CFAP54: variants seen among roughly 807,000 people sequenced by gnomAD.
CFAP54 encodes cilia and flagella associated protein 54.
CFAP54 carries 290 observed loss-of-function variants against 370.4 expected under a neutral mutation model. That is an observed-to-expected ratio of 0.78 (90% CI 0.71 to 0.86). The LOEUF (loss-of-function observed/expected upper bound fraction) is 0.86. CFAP54 is among the 40% of genes least tolerant of loss of function. CFAP54 has a pLI of 0.00. For synonymous variants in CFAP54, 1,206 were observed against 1,236.5 expected (o/e 0.98, Z 0.52); for missense variants, 3,399 against 3,528.7 (o/e 0.96, Z 0.93).
chr12:96,680,895 C>G (rs1398694260), intron 40 of CFAP54, among the ~76,000 whole-genome samples: 2 of 152,110 alleles, frequency 1.3e-5, no homozygotes, highest in Non-Finnish European at 2.9e-5. Flanking sequence ...ACCAGCCTGG[C>G]CAACATAGTG....
At chr12:96,567,918 A>G (rs1460282031) in intron 19 of CFAP54, among the ~76,000 whole-genome samples, 1 of 151,954 alleles carries the variant, frequency 6.6e-6, no homozygotes, top group Non-Finnish European at 1.5e-5. Context: ...TTAATGATCA[A>G]TCCCTAGGGT....
chr12:96,661,070 G>GT (rs61382325), intron 38 of CFAP54, among the ~76,000 whole-genome samples: 36 of 151,672 alleles, frequency 2.4e-4, no homozygotes, highest in African/African-American at 3.9e-4. Context: ...GTCCTTTGGG[G>GT]TTTTTTTGTT....
At chr12:96,528,379 C>T (rs1955405868) in intron 9 of CFAP54, among the ~76,000 whole-genome samples, 1 of 152,044 alleles carries the variant, frequency 6.6e-6, no homozygotes, top group Non-Finnish European at 1.5e-5. Context: ...ATTTCTGCTT[C>T]TCTGTTGAAG....
intron 58 of CFAP54, among the ~76,000 whole-genome samples, chr12:96,758,180 A>G (rs986834317): frequency 1.3e-5 from 2 of 152,184 alleles, no homozygotes; most frequent in Non-Finnish European, 2.9e-5. Context: ...CAGTAAAGGA[A>G]GGAGATCAGA....
At chr12:96,713,787 G>T (rs1470218050) in intron 48 of CFAP54, among the ~76,000 whole-genome samples, 1 of 152,028 alleles carries the variant, frequency 6.6e-6, no homozygotes, top group Non-Finnish European at 1.5e-5. Flanking sequence ...GGAATGAGAC[G>T]TGAGTTTCTG....
chr12:96,638,184 C>CATATATATAT lies in CFAP54; in HGVS notation c.4317-5985_4317-5976dup, dbSNP rs61605059. On this transcript the variant is annotated intron_variant, in intron 32 of 67. Coordinates refer to ENST00000524981, the MANE Select transcript of CFAP54 (RefSeq NM_001306084.2). ...TTTCTTCTAAATATTTTAGCTGCAT[C>CATATATATAT]ATATATATATATATATATGCATGTG... is the stretch of plus-strand genomic sequence containing the variant. Among the ~76,000 whole-genome samples, 310 of 137,628 alleles carry CATATATATAT rather than the reference C, an allele frequency of 2.3e-3. 7 individuals carry two copies. Among genetic ancestry groups the CATATATATAT allele is most frequent in the Middle Eastern group, 3.9e-3 (1 of 258 alleles). The allele number at this position is 137,628 out of a possible 152,430, so 90.3% of individuals were successfully genotyped here.
intron 15 of CFAP54, among the ~76,000 whole-genome samples, chr12:96,553,484 A>G (rs1370147528): frequency 3.3e-5 from 3 of 90,370 alleles, no homozygotes; most frequent in South Asian, 5.8e-4. Context: ...CTATATATAT[A>G]GTTATATATA....
intron 1 of CFAP54, among the ~76,000 whole-genome samples, chr12:96,493,658 C>T (rs1343481571): frequency 3.3e-5 from 5 of 152,006 alleles, no homozygotes; most frequent in East Asian, 1.9e-4. Flanking sequence ...ATTAGTCGGG[C>T]GTGGTGGTGG....
intron 50 of CFAP54, among the ~76,000 whole-genome samples, chr12:96,732,235 C>G (rs7973090): frequency 6.6e-6 from 1 of 151,802 alleles, no homozygotes; most frequent in South Asian, 2.1e-4. Context: ...AAATGATTCT[C>G]CTGTCTCAGC....
At chr12:96,533,637 TTTGCCC>T (rs1955467019) in intron 9 of CFAP54, among the ~76,000 whole-genome samples, 149 bp from the exon 10 acceptor site, 2 of 152,196 alleles carry the variant, frequency 1.3e-5, no homozygotes, top group Non-Finnish European at 2.9e-5. Flanking sequence ...CCACCCTGTA[TTTGCCC>T]ACTAAGATTT....
At chr12:96,779,102 C>T (rs1202665193) in intron 60 of CFAP54, among the ~76,000 whole-genome samples, 1 of 112,878 alleles carries the variant, frequency 8.9e-6, no homozygotes, top group Non-Finnish European at 1.8e-5. Context: ...AGTGAATCTC[C>T]ATCTCAAAAA....
intron 32 of CFAP54, among the ~76,000 whole-genome samples, chr12:96,635,315 A>G (rs1956652546): frequency 6.6e-6 from 1 of 152,160 alleles, no homozygotes; most frequent in East Asian, 1.9e-4. Context: ...AATTAAGTTT[A>G]ATTTTGTTGA....
chr12:96,808,264 C>T (rs1490245780), intron 63 of CFAP54, among the ~76,000 whole-genome samples: 2 of 152,136 alleles, frequency 1.3e-5, no homozygotes, highest in African/African-American at 2.4e-5. Context: ...TATGGCTCAA[C>T]TATCATCTTA....
intron 38 of CFAP54, among the ~76,000 whole-genome samples, chr12:96,661,776 CCT>C (rs989918311): frequency 2.6e-4 from 40 of 152,048 alleles, no homozygotes; most frequent in African/African-American, 9.4e-4. Flanking sequence ...TAGATGCTTC[CCT>C]CTCTTTCCTC....
In CFAP54 at chr12:96,489,743, CG is replaced by C. The variant is rs1392292833; in HGVS notation, c.135del (p.Leu46CysfsTer13). On this transcript the variant is annotated frameshift_variant, in exon 1 of 68. Coordinates refer to ENST00000524981, the MANE Select transcript of CFAP54 (RefSeq NM_001306084.2). LOFTEE classifies it high-confidence loss of function. ...GAGTCGAAGGGGAGCTCCCGGAGCT[CG>C]CTGCTTCAGTGGACCTGCCCCGAGG... The part of the protein sequence containing the change: ...PPESKGSSRS[S>X]LLQWTCPEDS... The C allele has an allele frequency of 1.4e-5, 21 of 1,536,102 alleles. No homozygotes were observed. Among genetic ancestry groups the C allele is most frequent in the Middle Eastern group, 1.7e-4 (1 of 5,990 alleles).
chr12:96,753,771 C>T lies in CFAP54; in HGVS notation c.7713C>T (p.Tyr2571=), dbSNP rs764747560. Reference sequence around the variant, plus strand: ...ATACAGTGGCCAAGCAAGTATATTACAAGAATAAAAGGAAGGACCCCTCGA... The same window carrying T: ...ATACAGTGGCCAAGCAAGTATATTATAAGAATAAAAGGAAGGACCCCTCGA... The part of the protein sequence containing the change: ...IGHTVAKQVY[Y]KNKRKDPSKW... The change falls in exon 56 of 68, where the codon TAC becomes TAT. Residue 2571 remains tyrosine (Y), a synonymous_variant. Transcript: ENST00000524981. 1.2e-6 allele frequency: 2 copies of T among 1,613,778 alleles called. No individual in the cohort carries two copies. The highest frequency in any genetic ancestry group is 3.3e-5 in the Admixed American group (2 of 60,002).
At chr12:96,510,919 C>T (rs969861284) in intron 4 of CFAP54, among the ~76,000 whole-genome samples, 6 of 147,690 alleles carry the variant, frequency 4.1e-5, no homozygotes, top group African/African-American at 1.5e-4. Flanking sequence ...GCTGAGATTG[C>T]ACCACTGTAC....
intron 66 of CFAP54, among the ~76,000 whole-genome samples, chr12:96,849,773 CCTT>C (rs1959482569): frequency 6.6e-6 from 1 of 152,166 alleles, no homozygotes; most frequent in Non-Finnish European, 1.5e-5. Flanking sequence ...ATTTCCTTTC[CCTT>C]CTTCTTACTA....
chr12:96,549,284 G>C (rs1478662694), intron 15 of CFAP54, among the ~76,000 whole-genome samples: 2 of 152,160 alleles, frequency 1.3e-5, no homozygotes, highest in Non-Finnish European at 1.5e-5. Flanking sequence ...ATTTTGCCTT[G>C]AGAGATAAAT....
Sources: gnomAD v4.1 joint callset for allele counts (sites outside exome capture counted in the v4.1 genomes callset) on GRCh38, gnomAD v4.1.1 for gene constraint, MANE v1.5 for transcripts, NCBI Gene and HGNC (gene_info 2026-07-23, HGNC 2026-07-21) for gene names.